Variants in MBOAT1 observed in about 807,000 individuals in gnomAD.
The protein encoded by MBOAT1 is membrane-bound glycerophospholipid O-acyltransferase 1.
In MBOAT1, 67 loss-of-function variants were observed where a neutral mutation model predicts 64.4. The ratio of observed to expected loss-of-function variants is 1.04; its 90% confidence interval spans 0.85 to 1.27. The LOEUF is 1.27. Among genes scored for constraint, MBOAT1 ranks in the 50% most tolerant of loss-of-function variants. MBOAT1 has a pLI of 0.00. For synonymous variants in MBOAT1, 229 were observed against 218.9 expected (o/e 1.05, Z -0.41); for missense variants, 563 against 604.6 (o/e 0.93, Z 0.72).
chr6:20,123,550 T>A (rs1760554337), intron 8 of MBOAT1, among the ~76,000 whole-genome samples: 1 of 150,920 alleles, frequency 6.6e-6, no homozygotes, highest in Non-Finnish European at 1.5e-5. Context: ...GACCAAGTTA[T>A]CCCACAGGAA....
At chr6:20,135,106 TCAATCATAGGATC>T (rs1396403053) in intron 4 of MBOAT1, among the ~76,000 whole-genome samples, 1 of 152,070 alleles carries the variant, frequency 6.6e-6, no homozygotes, top group Non-Finnish European at 1.5e-5. Context: ...AACGCACTTG[TCAATCATAGGATC>T]CAATCATAGG....
In MBOAT1 at chr6:20,101,717, G is replaced by T. The variant is rs1759792025; in HGVS notation, c.*569C>A. 6.6e-6 allele frequency among the ~76,000 whole-genome samples: 1 copy of T among 152,200 alleles called. No individual in the cohort carries two copies. Among genetic ancestry groups the T allele is most frequent in the Non-Finnish European group, 1.5e-5 (1 of 68,036 alleles). The stretch of plus-strand genomic sequence containing the variant: ...CAGCCCAGAATGGACTGTCTCTGCA[G>T]CTCTGGCACATTCTCTACACATCGC... On this transcript the variant is annotated 3_prime_UTR_variant, in exon 13 of 13. Transcript: ENST00000324607.
chr6:20,160,572 C>T (rs567921016), intron 1 of MBOAT1, among the ~76,000 whole-genome samples: 1 of 152,322 alleles, frequency 6.6e-6, no homozygotes, highest in African/African-American at 2.4e-5. Flanking sequence ...AGAACTCCAA[C>T]TGCTTAATAA....
At chr6:20,132,457 G>C (rs1342391321) in intron 4 of MBOAT1, among the ~76,000 whole-genome samples, 1 of 152,234 alleles carries the variant, frequency 6.6e-6, no homozygotes, top group Non-Finnish European at 1.5e-5. Context: ...AAATTTGCCT[G>C]AGAAGTGGCA....
intron 3 of MBOAT1, among the ~76,000 whole-genome samples, chr6:20,145,671 T>G (rs1317503381): frequency 6.6e-6 from 1 of 152,226 alleles, no homozygotes; most frequent in East Asian, 1.9e-4. Flanking sequence ...CCAGCCATGC[T>G]CCATGTTTAC....
intron 1 of MBOAT1, among the ~76,000 whole-genome samples, chr6:20,168,778 G>A (rs1472960450): frequency 1.0e-5 from 1 of 96,000 alleles, no homozygotes; most frequent in Non-Finnish European, 2.0e-5. Context: ...GAGAGGAGGG[G>A]AAGGGAAGGG....
At position 20,112,755 on chromosome 6, in the gene MBOAT1, T is replaced by C; in HGVS notation, c.1209+121A>G. The C allele has an allele frequency of 2.7e-6, 3 of 1,111,074 alleles. No individual in the cohort carries two copies. In the East Asian group the frequency reaches 7.3e-5, roughly 27 times the overall value. 68.8% of individuals were successfully genotyped at this position (1,111,074 alleles called of 1,614,324 possible). On this transcript the variant is annotated intron_variant, in intron 11 of 12. Transcript: ENST00000324607. ...GAAGACTCTTGCATATTGTTTGATTTTTCAAAACATCACTCCCACCTTCAC... is the reference window on the plus strand; with the variant it reads ...GAAGACTCTTGCATATTGTTTGATTCTTCAAAACATCACTCCCACCTTCAC...
At chr6:20,124,717 C>T in intron 7 of MBOAT1, 117 bp from the exon 8 acceptor site, 1 of 857,156 alleles carries the variant, frequency 1.2e-6, no homozygotes, top group Non-Finnish European at 1.8e-6. Flanking sequence ...CATTATTCCC[C>T]AGAAGGAGTG....
intron 1 of MBOAT1, among the ~76,000 whole-genome samples, chr6:20,192,175 C>A (rs73374705): frequency 7.9e-5 from 12 of 152,322 alleles, no homozygotes; most frequent in African/African-American, 2.9e-4. Flanking sequence ...TTCTTTCACA[C>A]TTCCTGGGTA....
chr6:20,144,730 A>G (rs779529728), intron 3 of MBOAT1, among the ~76,000 whole-genome samples: 3 of 152,222 alleles, frequency 2.0e-5, no homozygotes, highest in Non-Finnish European at 4.4e-5. Flanking sequence ...AGTACAAATC[A>G]TCACCATACT....
intron 11 of MBOAT1, among the ~76,000 whole-genome samples, chr6:20,111,849 T>TATATATATACATATATAC (rs1760165823): frequency 2.5e-5 from 2 of 80,230 alleles, no homozygotes; most frequent in Admixed American, 2.7e-4. Flanking sequence ...TATATATACA[T>TATATATATACATATATAC]ATATATATAC....
At chr6:20,199,487 G>A (rs1763058491) in intron 1 of MBOAT1, among the ~76,000 whole-genome samples, 1 of 152,100 alleles carries the variant, frequency 6.6e-6, no homozygotes, top group South Asian at 2.1e-4. Flanking sequence ...AACTCAACAA[G>A]ACTGAAAGTA....
chr6:20,118,610 A>T, intron 8 of MBOAT1, 70 bp from the exon 9 acceptor site: 2 of 1,238,550 alleles, frequency 1.6e-6, no homozygotes, highest in Non-Finnish European at 2.3e-6. Context: ...AAGACACTAA[A>T]TATCTGTCTA....
intron 1 of MBOAT1, among the ~76,000 whole-genome samples, chr6:20,159,697 T>C (rs555872018): frequency 7.9e-5 from 12 of 152,304 alleles, no homozygotes; most frequent in African/African-American, 2.6e-4. Context: ...ATAGGTTATG[T>C]TAATTAGCCT....
At chr6:20,185,969 G>A (rs796360024) in intron 1 of MBOAT1, among the ~76,000 whole-genome samples, 20 of 152,258 alleles carry the variant, frequency 1.3e-4, no homozygotes, top group African/African-American at 4.8e-4. Context: ...ATCACTTGAG[G>A]CTAGGAGTTC....
chr6:20,204,726 A>T (rs1763213161), intron 1 of MBOAT1, among the ~76,000 whole-genome samples: 1 of 152,196 alleles, frequency 6.6e-6, no homozygotes, highest in Admixed American at 6.5e-5. Flanking sequence ...TTTGAGGGAT[A>T]GGAAGTAAAG....
At chr6:20,129,148 G>A (rs1173802211) in intron 5 of MBOAT1, among the ~76,000 whole-genome samples, 1 of 152,080 alleles carries the variant, frequency 6.6e-6, no homozygotes, top group Non-Finnish European at 1.5e-5. Flanking sequence ...TACCTCCCTG[G>A]CTGCACTAGG....
At chr6:20,124,647 T>C in intron 7 of MBOAT1, 47 bp from the exon 8 acceptor site, 1 of 1,578,380 alleles carries the variant, frequency 6.3e-7, no homozygotes, top group Non-Finnish European at 8.7e-7. Flanking sequence ...GGCTCAGGTA[T>C]GAAGAAAACA....
chr6:20,156,200 G>GTTT (rs1761676405), intron 1 of MBOAT1, among the ~76,000 whole-genome samples: 1 of 151,536 alleles, frequency 6.6e-6, no homozygotes, highest in African/African-American at 2.4e-5. Context: ...GAACCTGGGA[G>GTTT]GCAGAGCTTG....
Sources: allele counts gnomAD v4.1 joint callset (sites outside exome capture counted in the v4.1 genomes callset), GRCh38; gene constraint gnomAD v4.1.1; transcripts MANE v1.5; gene names NCBI Gene and HGNC (gene_info 2026-07-23, HGNC 2026-07-21).